The following XPNPEP1 variants were observed in gnomAD, a reference collection of about 807,000 sequenced individuals.
XPNPEP1 encodes X-prolyl aminopeptidase 1.
Under a neutral mutation model 92.4 loss-of-function variants are expected in XPNPEP1, and 39 were observed. That is an observed-to-expected ratio of 0.42 (90% CI 0.33 to 0.55). XPNPEP1 has a LOEUF of 0.55. Ranked by LOEUF, XPNPEP1 falls within the 20% of genes least tolerant of loss-of-function variation. The pLI, the probability that XPNPEP1 is intolerant of heterozygous loss-of-function variation, is 0.08. For missense variants in XPNPEP1, 654 were observed against 856.1 expected, an observed-to-expected ratio of 0.76 and a Z score of 2.95; for synonymous variants, 307 against 299.4, an observed-to-expected ratio of 1.03 and a Z score of -0.26.
chr10:109,913,303 A>G (rs1422799764), intron 2 of XPNPEP1, among the ~76,000 whole-genome samples: 2 of 152,226 alleles, frequency 1.3e-5, no homozygotes, highest in Non-Finnish European at 2.9e-5. Context: ...GTGTGAAAGC[A>G]CCATGCACAG....
At chr10:109,874,424 C>A (rs1186565662) in intron 15 of XPNPEP1, among the ~76,000 whole-genome samples, 2 of 152,356 alleles carry the variant, frequency 1.3e-5, no homozygotes, top group East Asian at 3.9e-4. Flanking sequence ...TTAACACACA[C>A]TAGACTATAT....
chr10:109,908,146 T>C (rs1011165709), intron 2 of XPNPEP1, among the ~76,000 whole-genome samples: 4 of 152,218 alleles, frequency 2.6e-5, no homozygotes, highest in African/African-American at 9.6e-5. Context: ...TATCTTTGTT[T>C]ATAGTAGAAA....
At position 109,915,218 on chromosome 10, in the gene XPNPEP1, AC is replaced by A. The variant is rs1278735362; in HGVS notation, c.33-120del. 30 of 476,306 alleles carry A rather than the reference AC, an allele frequency of 6.3e-5. 1 individual carries two copies. The South Asian group carries it at 1.8e-3, about 28-fold the overall frequency. 29.5% of individuals were successfully genotyped at this position (476,306 alleles called of 1,614,324 possible). A position where few individuals can be genotyped will look rare whatever the true frequency, so the allele number is the denominator to read the frequency against. Reference sequence around the variant, plus strand: ...TCTAACATGAGTCAGAAGAACTTTCACCCCCATTATCAGTGGCAGAATAAAT... The same window carrying A: ...TCTAACATGAGTCAGAAGAACTTTCACCCCATTATCAGTGGCAGAATAAAT... On this transcript the variant is annotated intron_variant, in intron 1 of 20. Transcript: ENST00000502935.
intron 3 of XPNPEP1, among the ~76,000 whole-genome samples, chr10:109,895,666 T>C (rs988513231): frequency 6.6e-6 from 1 of 152,256 alleles, no homozygotes; most frequent in African/African-American, 2.4e-5. Flanking sequence ...AGGGGCGGTC[T>C]CCTTAGAACA....
intron 19 of XPNPEP1, 32 bp downstream of exon 19, chr10:109,869,921 G>C: frequency 6.2e-7 from 1 of 1,610,730 alleles, no homozygotes; most frequent in Non-Finnish European, 8.5e-7. Flanking sequence ...ATTGCTAATA[G>C]AAACAGGAAA....
intron 7 of XPNPEP1, 136 bp downstream of exon 7, chr10:109,887,913 C>A: frequency 8.2e-7 from 1 of 1,212,370 alleles, no homozygotes. Context: ...TTCAAATATC[C>A]CACTGGGGCA....
chr10:109,897,194 C>T (rs1043287160), intron 3 of XPNPEP1, among the ~76,000 whole-genome samples: 8 of 151,964 alleles, frequency 5.3e-5, no homozygotes, highest in African/African-American at 1.9e-4. Flanking sequence ...GAGAAATTAC[C>T]CAATTTTTAA....
chr10:109,872,477 C>T (rs1304558050), intron 16 of XPNPEP1, among the ~76,000 whole-genome samples: 1 of 152,244 alleles, frequency 6.6e-6, no homozygotes, highest in Non-Finnish European at 1.5e-5. Context: ...AGGACTAAAA[C>T]TCCATGCTCC....
intron 2 of XPNPEP1, among the ~76,000 whole-genome samples, chr10:109,908,764 G>A (rs546382677): frequency 6.6e-6 from 1 of 152,336 alleles, no homozygotes; most frequent in African/African-American, 2.4e-5. Context: ...AGTAATTATT[G>A]TCTTCTTGTA....
chr10:109,884,178 T>C (rs773539841), intron 8 of XPNPEP1, 30 bp from the exon 9 acceptor site: 15 of 1,608,334 alleles, frequency 9.3e-6, no homozygotes, highest in Non-Finnish European at 6.0e-6. Context: ...CCCTGTCACC[T>C]GTCTGACTTA....
chr10:109,905,267 G>A (rs1000134159), intron 3 of XPNPEP1, among the ~76,000 whole-genome samples: 11 of 152,238 alleles, frequency 7.2e-5, no homozygotes, highest in African/African-American at 2.4e-4. Flanking sequence ...GTACAGTGCT[G>A]CAATCTCGGC....
At chr10:109,870,264 G>T (rs1057034879) in intron 18 of XPNPEP1, among the ~76,000 whole-genome samples, 5 of 151,800 alleles carry the variant, frequency 3.3e-5, no homozygotes, top group African/African-American at 1.2e-4. Context: ...TGGCTACAGG[G>T]TAAGGAGTAA....
chr10:109,883,195 G>T (rs1403637282), intron 9 of XPNPEP1, among the ~76,000 whole-genome samples: 1 of 151,996 alleles, frequency 6.6e-6, no homozygotes, highest in Non-Finnish European at 1.5e-5. Flanking sequence ...CTCACATTCT[G>T]GCCTCACTAT....
rs780676568 is a variant in XPNPEP1, at chr10:109,915,005, T to A, written c.121+6A>T. The A allele has an allele frequency of 1.1e-4, 168 of 1,509,046 alleles. 1 individual carries two copies. The Middle Eastern group carries it at 4.4e-3, about 39-fold the overall frequency. 93.5% of individuals were successfully genotyped at this position (1,509,046 alleles called of 1,614,324 possible). On this transcript the variant is annotated splice_donor_region_variant and intron_variant, in intron 2 of 20. Coordinates refer to ENST00000502935, the MANE Select transcript of XPNPEP1 (RefSeq NM_020383.4). ...GTTCCATCTAATTTCCAGACAAAAT[T>A]ATTACCTGTTTCCACACCTGTGTCT...
At chr10:109,889,260 T>C (rs1470463779) in intron 5 of XPNPEP1, among the ~76,000 whole-genome samples, 3 of 152,238 alleles carry the variant, frequency 2.0e-5, no homozygotes, top group Admixed American at 2.0e-4. Flanking sequence ...TAGAGTGCGG[T>C]GGCACCATCT....
rs541160420 is a variant in XPNPEP1, at chr10:109,881,414, C to G, written c.1042-483G>C. On this transcript the variant is annotated intron_variant, in intron 10 of 20. Transcript: ENST00000502935. ...TCTCAGCTACTGATAATAATCTGATCTTGAAGGGCTGGAGAAGACCCTTTC... is the reference window on the plus strand; with the variant it reads ...TCTCAGCTACTGATAATAATCTGATGTTGAAGGGCTGGAGAAGACCCTTTC... 3.3e-5 allele frequency among the ~76,000 whole-genome samples: 5 copies of G among 152,318 alleles called. No homozygotes were observed. The East Asian group carries it at 9.7e-4, about 29-fold the overall frequency.
rs547383673 is a variant in XPNPEP1, at chr10:109,880,013, T to C, written c.1182+175A>G. 3.2e-4 allele frequency among the ~76,000 whole-genome samples: 49 copies of C among 151,642 alleles called. No homozygotes were observed. In the South Asian group the frequency reaches 6.0e-3, roughly 19 times the overall value. Reference sequence around the variant, plus strand: ...TTACTATTTTCATAATTAAGGAATTTTGAAATCTACACACACCAAATTTCC... The same window carrying C: ...TTACTATTTTCATAATTAAGGAATTCTGAAATCTACACACACCAAATTTCC... On this transcript the variant is annotated intron_variant, in intron 12 of 20. Transcript: ENST00000502935.
chr10:109,889,394 G>A (rs1031435127), intron 5 of XPNPEP1, among the ~76,000 whole-genome samples: 1 of 152,136 alleles, frequency 6.6e-6, no homozygotes, highest in Non-Finnish European at 1.5e-5. Context: ...GTAAAGACGG[G>A]GTTTCACCAT....
intron 3 of XPNPEP1, among the ~76,000 whole-genome samples, chr10:109,904,001 C>A (rs986179436): frequency 6.6e-6 from 1 of 151,710 alleles, no homozygotes; most frequent in African/African-American, 2.4e-5. Context: ...TGAGCCACCA[C>A]GCCCAGCTAA....
Sources: allele counts gnomAD v4.1 joint callset (sites outside exome capture counted in the v4.1 genomes callset), GRCh38; gene constraint gnomAD v4.1.1; transcripts MANE v1.5; gene names NCBI Gene and HGNC (gene_info 2026-07-23, HGNC 2026-07-21).